Variants in SLC22A11 observed in about 807,000 individuals in gnomAD.
SLC22A11 encodes solute carrier family 22 member 11, also known as organic anion transporter 4.
In SLC22A11, 42 loss-of-function variants were observed where a neutral mutation model predicts 49.4. The observed-to-expected ratio is 0.85, with a 90% confidence interval of 0.66 to 1.10. The LOEUF (loss-of-function observed/expected upper bound fraction) is 1.10, where lower values mean the gene tolerates loss of function less well. Among genes scored for constraint, SLC22A11 ranks in the 50% least tolerant of loss-of-function variants. The pLI is 0.00. For synonymous variants in SLC22A11, 304 were observed against 315.8 expected (o/e 0.96, Z 0.40); for missense variants, 685 against 731.6 (o/e 0.94, Z 0.74).
Position 64,562,324 on chromosome 11 carries a change from C to A in SLC22A11, c.710C>A (p.Ala237Asp). The A allele has an allele frequency of 6.2e-7, 1 of 1,611,358 alleles. No homozygotes were observed. Among genetic ancestry groups the A allele is most frequent in the Non-Finnish European group, 8.5e-7 (1 of 1,178,788 alleles). Residue 237 changes from alanine to aspartate, a missense_variant, in exon 4 of 10, where the codon GCC (alanine) becomes GAC (aspartate). Physicochemically the swap from Ala to Asp is moderately radical, Grantham distance 126. Coordinates refer to ENST00000301891, the MANE Select transcript of SLC22A11 (RefSeq NM_018484.4). This position sits in a 1 kb window ranked among gnomAD's most constrained non-coding sequence, Gnocchi z 4.4. ...GTCACCATGACGGTGGTGGGATGTGCCTTCAGCGCAGGCCAGGCGGCGCTG... is the reference window on the plus strand; with the variant it reads ...GTCACCATGACGGTGGTGGGATGTGACTTCAGCGCAGGCCAGGCGGCGCTG... ...RAVTMTVVGC[A>D]FSAGQAALGG...
chr11:64,570,905 C>T (rs1335398572), intron 9 of SLC22A11, 74 bp from the exon 10 acceptor site: 1 of 1,474,446 alleles, frequency 6.8e-7, no homozygotes, highest in East Asian at 2.3e-5. Context: ...TAAGACTTGA[C>T]CGCCATTTTG....
chr11:64,562,054 C>A lies in SLC22A11; in HGVS notation c.548C>A (p.Ala183Glu). The A allele has an allele frequency of 6.2e-7, 1 of 1,613,712 alleles. No individual in the cohort carries two copies. The highest frequency in any genetic ancestry group is 8.5e-7 in the Non-Finnish European group (1 of 1,179,992). ...LSWCCLQLAVAGTSTIFAPTF... is the reference protein window; with the variant it reads ...LSWCCLQLAVEGTSTIFAPTF... ...TGGTGCTGCCTGCAGTTGGCCGTGG[C>A]GGGCACCAGCACCATCTTCGCCCCA... The change falls in exon 3 of 10, where the codon GCG (alanine) becomes GAG (glutamate). Residue 183 changes from alanine to glutamate, a missense_variant. By Grantham distance (107) the Ala-to-Glu change is moderately radical. Coordinates refer to ENST00000301891, the MANE Select transcript of SLC22A11 (RefSeq NM_018484.4). The surrounding 1 kb of genome is among the most constrained non-coding windows in gnomAD (Gnocchi z 4.4).
intron 4 of SLC22A11, among the ~76,000 whole-genome samples, chr11:64,563,925 A>C (rs7112387): frequency 0.084 from 12,794 of 151,656 alleles, 1,800 homozygotes; most frequent in African/African-American, 0.29. Flanking sequence ...CAAAAAAAAA[A>C]CAAAAAAACC....
intron 2 of SLC22A11, among the ~76,000 whole-genome samples, chr11:64,560,357 A>G (rs763318896): frequency 9.9e-5 from 15 of 151,966 alleles, no homozygotes; most frequent in Non-Finnish European, 1.9e-4. Flanking sequence ...TGATCTGGTC[A>G]ATAAAAGCTG....
rs1168230678 is a variant in SLC22A11, at chr11:64,562,306, T to A, written c.692T>A (p.Met231Lys). The change falls in exon 4 of 10, where the codon ATG becomes AAG. Residue 231 changes from methionine to lysine, a missense_variant. By Grantham distance (95) the Met-to-Lys change is moderately conservative (BLOSUM62 -1). Transcript: ENST00000301891. The surrounding 1 kb of genome is among the most constrained non-coding windows in gnomAD (Gnocchi z 4.4). The part of the protein sequence containing the change: ...WTTTSRRAVT[M>K]TVVGCAFSAG... ...ACGACCAGCAGGAGGGCGGTCACCA[T>A]GACGGTGGTGGGATGTGCCTTCAGC... is the stretch of plus-strand genomic sequence containing the variant. 1 of 1,610,416 alleles carries A rather than the reference T, an allele frequency of 6.2e-7. No individual in the cohort carries two copies. Among genetic ancestry groups the A allele is most frequent in the Admixed American group, 1.7e-5 (1 of 59,832 alleles).
chr11:64,560,462 C>T (rs1287427754), intron 2 of SLC22A11, among the ~76,000 whole-genome samples: 3 of 152,226 alleles, frequency 2.0e-5, no homozygotes, highest in Admixed American at 6.5e-5. Flanking sequence ...CCCAGCTCCA[C>T]CAGCCTCCTC....
chr11:64,569,660 C>A lies in SLC22A11; in HGVS notation c.1391C>A (p.Ala464Glu). ...CTCCCCTTCACCCACAGGATGACAG[C>A]AGATGGCATTCTGCATACAGTGGGC... is the stretch of plus-strand genomic sequence containing the variant. ...ELFPTPVRMT[A>E]DGILHTVGRL... Residue 464 changes from alanine to glutamate, a missense_variant, in exon 9 of 10, where the codon GCA becomes GAA. Transcript: ENST00000301891. The A allele has an allele frequency of 6.2e-7, 1 of 1,613,804 alleles. No individual in the cohort carries two copies. The highest frequency in any genetic ancestry group is 8.5e-7 in the Non-Finnish European group (1 of 1,179,834).
intron 6 of SLC22A11, chr11:64,566,304 A>C (rs2038624351): frequency 6.6e-6 from 1 of 152,094 alleles, no homozygotes; most frequent in Non-Finnish European, 1.5e-5. Context: ...TTGAAATAAA[A>C]CTGAAGTTTA....
At position 64,571,454 on chromosome 11, in the gene SLC22A11, C is replaced by T; in HGVS notation, c.*412C>T. On this transcript the variant is annotated 3_prime_UTR_variant, in exon 10 of 10. Coordinates refer to ENST00000301891, the MANE Select transcript of SLC22A11 (RefSeq NM_018484.4). ...ATGAGAATGATCACGTGACCCACCC[C>T]CCAGGGCAGGTATCAGGGTGAACTG... is the stretch of plus-strand genomic sequence containing the variant. 1 of 187,474 alleles carries T rather than the reference C, an allele frequency of 5.3e-6. No individual in the cohort carries two copies. Among genetic ancestry groups the T allele is most frequent in the South Asian group, 1.2e-4 (1 of 8,620 alleles). 11.6% of individuals were successfully genotyped at this position (187,474 alleles called of 1,614,324 possible). A position where few individuals can be genotyped will look rare whatever the true frequency, so the allele number is the denominator to read the frequency against.
Position 64,567,708 on chromosome 11 carries a change from G to A in SLC22A11, c.1168G>A (p.Ala390Thr). The A allele has an allele frequency of 3.7e-6, 6 of 1,613,854 alleles. No individual in the cohort carries two copies. The highest frequency in any genetic ancestry group is 4.2e-6 in the Non-Finnish European group (5 of 1,180,014). Residue 390 changes from alanine to threonine, a missense_variant, in exon 7 of 10, where the codon GCC becomes ACC. Transcript: ENST00000301891. ...LFGAVDFLGR[A>T]TTALLLSFLG... ...CGGGGCCGTGGACTTCCTGGGCCGG[G>A]CCACCACTGCCCTCTTGCTCAGTTT...
intron 6 of SLC22A11, chr11:64,566,483 T>G (rs1002875059): frequency 3.3e-5 from 5 of 151,456 alleles, no homozygotes; most frequent in Non-Finnish European, 5.9e-5. Flanking sequence ...CCAGTTTTTT[T>G]TTTTAAAAAA....
At position 64,565,752 on chromosome 11, in the gene SLC22A11, G is replaced by A. The variant is rs534780593; in HGVS notation, c.1058+415G>A. 3 of 351,334 alleles carry A rather than the reference G, an allele frequency of 8.5e-6. No homozygotes were observed. Among genetic ancestry groups the A allele is most frequent in the South Asian group, 2.2e-5 (1 of 46,090 alleles). The allele number at this position is 351,334 out of a possible 1,614,324, so 21.8% of individuals were successfully genotyped here. ...GCTCCTAGAGGGTGAACCTGCATTCGCTGACCCCTCCATGCAACCCCACTT... is the reference window on the plus strand; with the variant it reads ...GCTCCTAGAGGGTGAACCTGCATTCACTGACCCCTCCATGCAACCCCACTT... On this transcript the variant is annotated intron_variant, in intron 6 of 9. Transcript: ENST00000301891. This position sits in a 1 kb window ranked among gnomAD's most constrained non-coding sequence, Gnocchi z 4.1.
rs980518059 is a variant in SLC22A11, at chr11:64,565,129, G to A, written c.943-93G>A. ...GGCCGAGGCCCAGGACAGGCTCCCC[G>A]TCACTCTGGCCACTTGGACACTGTT... On this transcript the variant is annotated intron_variant, in intron 5 of 9. Transcript: ENST00000301891. The surrounding 1 kb of genome is among the most constrained non-coding windows in gnomAD (Gnocchi z 4.1). 2.0e-5 allele frequency: 20 copies of A among 1,012,810 alleles called. No homozygotes were observed. In the Admixed American group the frequency reaches 2.4e-4, roughly 12 times the overall value. 62.7% of individuals were successfully genotyped at this position (1,012,810 alleles called of 1,614,324 possible). A position where few individuals can be genotyped will look rare whatever the true frequency, so the allele number is the denominator to read the frequency against.
Position 64,568,789 on chromosome 11 carries a change from C to G in SLC22A11, c.1382+11C>G. ...TCCAACGCCAGTGCGGTAAGCTGGG[C>G]TGCAGGCCATGCCCCAGGGCCAGCA... On this transcript the variant is annotated intron_variant, in intron 8 of 9. Transcript: ENST00000301891. 1 of 1,610,878 alleles carries G rather than the reference C, an allele frequency of 6.2e-7. No homozygotes were observed. Among genetic ancestry groups the G allele is most frequent in the African/African-American group, 1.3e-5 (1 of 75,004 alleles).
At chr11:64,570,725 A>G (rs2038692101) in intron 9 of SLC22A11, among the ~76,000 whole-genome samples, 1 of 152,258 alleles carries the variant, frequency 6.6e-6, no homozygotes, top group African/African-American at 2.4e-5. Context: ...GAGATGCAGC[A>G]GGGTTATATA....
intron 1 of SLC22A11, among the ~76,000 whole-genome samples, chr11:64,557,611 C>T (rs1261419147): frequency 1.4e-5 from 2 of 147,930 alleles, no homozygotes; most frequent in Admixed American, 6.8e-5. Context: ...TGCTCTGGAG[C>T]TGGGATTTTC....
Position 64,565,586 on chromosome 11 carries a change from G to A in SLC22A11, c.1058+249G>A. On this transcript the variant is annotated intron_variant, in intron 6 of 9. Transcript: ENST00000301891. The surrounding 1 kb of genome is among the most constrained non-coding windows in gnomAD (Gnocchi z 4.1). ...AAGCCAGAGGAAAAGGCAGCTCTAG[G>A]CTGGGGGTCCCAGGGTCCCAGGGAG... is the stretch of plus-strand genomic sequence containing the variant. 1 of 580,112 alleles carries A rather than the reference G, an allele frequency of 1.7e-6. No individual in the cohort carries two copies. The highest frequency in any genetic ancestry group is 3.3e-6 in the Non-Finnish European group (1 of 307,308). 35.9% of individuals were successfully genotyped at this position (580,112 alleles called of 1,614,324 possible).
In SLC22A11 at chr11:64,564,221, G is replaced by A; in HGVS notation, c.822-87G>A. On this transcript the variant is annotated intron_variant, in intron 4 of 9. Transcript: ENST00000301891. This position sits in a 1 kb window ranked among gnomAD's most constrained non-coding sequence, Gnocchi z 4.2. ...TGCTTCCTCATCACTCATCTCAGCT[G>A]GAGGGTCCGTGCCCACTGCCCCTTT... 2.0e-6 allele frequency: 3 copies of A among 1,526,568 alleles called. No individual in the cohort carries two copies. Among genetic ancestry groups the A allele is most frequent in the Admixed American group, 1.8e-5 (1 of 55,804 alleles). The allele number at this position is 1,526,568 out of a possible 1,614,324, so 94.6% of individuals were successfully genotyped here. A position where few individuals can be genotyped will look rare whatever the true frequency, so the allele number is the denominator to read the frequency against.
At chr11:64,568,559 A>G in intron 7 of SLC22A11, 111 bp from the exon 8 acceptor site, 1 of 835,418 alleles carries the variant, frequency 1.2e-6, no homozygotes, top group South Asian at 1.5e-5. Flanking sequence ...AGGGCCGGGG[A>G]CTTGTAGGGA....
Sources: allele counts gnomAD v4.1 joint callset (sites outside exome capture counted in the v4.1 genomes callset), GRCh38; gene constraint gnomAD v4.1.1; non-coding constraint Gnocchi (gnomAD v3.1); transcripts MANE v1.5; gene names NCBI Gene and HGNC (gene_info 2026-07-23, HGNC 2026-07-21).